The following LINGO2 variants were observed in gnomAD, a reference collection of about 807,000 sequenced individuals.
LINGO2 encodes the protein leucine rich repeat and Ig domain containing 2, also known as leucine-rich repeat and immunoglobulin-like domain-containing nogo receptor-interacting protein 2.
Under a neutral mutation model 30.6 loss-of-function variants are expected in LINGO2, and 14 were observed. That is an observed-to-expected ratio of 0.46 (90% CI 0.30 to 0.72). The LOEUF is 0.72. LINGO2 is among the 30% of genes least tolerant of loss of function. The pLI is 0.07. For missense variants in LINGO2, 729 were observed against 751.7 expected, an observed-to-expected ratio of 0.97 and a Z score of 0.35; for synonymous variants, 317 against 288.5, an observed-to-expected ratio of 1.10 and a Z score of -1.00.
chr9:28,775,030 C>G, the LINGO2 span, among the ~76,000 whole-genome samples: 1 of 151,978 alleles, frequency 6.6e-6, no homozygotes, highest in East Asian at 1.9e-4. Flanking sequence ...TTAACAGAGT[C>G]AACTGGAAGA....
chr9:28,241,667 C>T (rs1045353865), intron 4 of LINGO2, among the ~76,000 whole-genome samples: 5 of 152,164 alleles, frequency 3.3e-5, no homozygotes, highest in Admixed American at 1.3e-4. Context: ...TGCCACTCAA[C>T]TGAGTGAGAT....
chr9:28,692,349 CCTGT>C, the LINGO2 span, among the ~76,000 whole-genome samples: 1 of 151,984 alleles, frequency 6.6e-6, no homozygotes, highest in African/African-American at 2.4e-5. Context: ...GTGGTGTGCA[CCTGT>C]AATCCCAGCC....
chr9:29,110,516 T>A, the LINGO2 span, among the ~76,000 whole-genome samples: 2 of 151,278 alleles, frequency 1.3e-5, no homozygotes, highest in Non-Finnish European at 2.9e-5. Context: ...GTATTTTTAA[T>A]AGAGACTGGG....
intron 1 of LINGO2, among the ~76,000 whole-genome samples, chr9:28,633,603 A>T (rs1208532612): frequency 6.6e-6 from 1 of 152,106 alleles, no homozygotes. Flanking sequence ...ACAAACAAAA[A>T]CCACATTCAT....
intron 2 of LINGO2, among the ~76,000 whole-genome samples, chr9:28,416,668 G>A (rs946791661): frequency 6.6e-6 from 1 of 152,082 alleles, no homozygotes; most frequent in Non-Finnish European, 1.5e-5. Context: ...AAAAAAATAT[G>A]ACATGTTATC....
intron 3 of LINGO2, among the ~76,000 whole-genome samples, chr9:28,325,713 C>T (rs1224852717): frequency 6.6e-6 from 1 of 152,156 alleles, no homozygotes; most frequent in Non-Finnish European, 1.5e-5. Context: ...CCACATGGAA[C>T]TGTGAGTCCA....
chr9:29,028,419 T>TG, the LINGO2 span, among the ~76,000 whole-genome samples: 29,456 of 62,416 alleles, frequency 0.47, 4,131 homozygotes, highest in East Asian at 0.6. Context: ...GGGTAGTGTG[T>TG]GGGGGGGGGT....
chr9:28,627,077 TTGTTC>T (rs1350185934), intron 1 of LINGO2, among the ~76,000 whole-genome samples: 3 of 152,054 alleles, frequency 2.0e-5, no homozygotes, highest in Non-Finnish European at 2.9e-5. Context: ...GTACTGAACT[TTGTTC>T]TGATAGGCAA....
the LINGO2 span, among the ~76,000 whole-genome samples, chr9:28,885,871 C>T: frequency 1.3e-5 from 2 of 152,044 alleles, no homozygotes; most frequent in African/African-American, 4.8e-5. Flanking sequence ...CTGAATTCTC[C>T]AGAGAGTTTC....
chr9:28,847,112 C>G, the LINGO2 span, among the ~76,000 whole-genome samples: 1 of 148,032 alleles, frequency 6.8e-6, no homozygotes, highest in East Asian at 2.0e-4. Flanking sequence ...AACTATAATT[C>G]TCTCAATCAG....
the LINGO2 span, among the ~76,000 whole-genome samples, chr9:28,678,261 C>A: frequency 6.6e-6 from 1 of 152,060 alleles, no homozygotes; most frequent in South Asian, 2.1e-4. Flanking sequence ...TCACCAGGCT[C>A]CATCTGTGCT....
chr9:29,103,382 G>C, the LINGO2 span, among the ~76,000 whole-genome samples: 2 of 151,644 alleles, frequency 1.3e-5, no homozygotes, highest in Non-Finnish European at 2.9e-5. Flanking sequence ...TTTATTTTTA[G>C]TATTCCCTGA....
chr9:28,671,513 CAA>C (rs11286682), upstream of LINGO2, among the ~76,000 whole-genome samples: 14,429 of 105,500 alleles, frequency 0.14, 807 homozygotes, highest in African/African-American at 0.27. Context: ...TTATCTTAAG[CAA>C]AAAAAAAAAA....
At chr9:28,905,010 G>C in the LINGO2 span, among the ~76,000 whole-genome samples, 2 of 151,636 alleles carry the variant, frequency 1.3e-5, no homozygotes, top group African/African-American at 4.8e-5. Context: ...GAGTTGCTAA[G>C]AACACACAAC....
the LINGO2 span, among the ~76,000 whole-genome samples, chr9:28,790,331 T>TC: frequency 4.2e-5 from 5 of 119,608 alleles, no homozygotes; most frequent in African/African-American, 1.8e-4. Flanking sequence ...CTTTCTTTTT[T>TC]TTTTTTTTTT....
At chr9:28,760,958 A>ACACACACACACATG in the LINGO2 span, among the ~76,000 whole-genome samples, 1 of 149,488 alleles carries the variant, frequency 6.7e-6, no homozygotes, top group Non-Finnish European at 1.5e-5. Context: ...ACACACACAT[A>ACACACACACACATG]CACACACACA....
At chr9:29,181,425 C>T in the LINGO2 span, among the ~76,000 whole-genome samples, 2 of 151,904 alleles carry the variant, frequency 1.3e-5, no homozygotes, top group South Asian at 2.1e-4. Flanking sequence ...ACGTAGCAAA[C>T]TTTAAATTTG....
At chr9:28,069,740 G>A (rs181383538) in intron 4 of LINGO2, among the ~76,000 whole-genome samples, 1 of 152,170 alleles carries the variant, frequency 6.6e-6, no homozygotes, top group African/African-American at 2.4e-5. Context: ...CGAGCCTGAT[G>A]TTGAGTTCAT....
chr9:28,535,862 G>C (rs1821418638), intron 1 of LINGO2, among the ~76,000 whole-genome samples: 1 of 152,108 alleles, frequency 6.6e-6, no homozygotes, highest in African/African-American at 2.4e-5. Flanking sequence ...TAATCTTGAC[G>C]TTTCAGAGGA....
Sources: allele counts gnomAD v4.1 joint callset (sites outside exome capture counted in the v4.1 genomes callset), GRCh38; gene constraint gnomAD v4.1.1; transcripts MANE v1.5; gene names NCBI Gene and HGNC (gene_info 2026-07-23, HGNC 2026-07-21).